Variants in RARB observed in about 807,000 individuals in gnomAD.
RARB encodes the protein HBV-activated protein.
A neutral mutation model predicts 51.9 loss-of-function variants in RARB; 17 were observed. The ratio of observed to expected loss-of-function variants is 0.33; its 90% CI spans 0.22 to 0.49. The LOEUF (loss-of-function observed/expected upper bound fraction) is 0.49. Among genes scored for constraint, RARB ranks in the 20% least tolerant of loss-of-function variants. The pLI is 0.99. For missense variants in RARB, 369 were observed against 550.8 expected (o/e 0.67, Z 3.30); for synonymous variants, 215 against 195.4 (o/e 1.10, Z -0.84).
chr3:25,149,772 G>A (rs111833996), intron 4 of RARB, among the ~76,000 whole-genome samples: 7 of 152,244 alleles, frequency 4.6e-5, no homozygotes, highest in African/African-American at 1.4e-4. Flanking sequence ...AAATGAAGAA[G>A]GTCTCCATTT....
At chr3:25,355,290 C>T (rs756689724) in intron 5 of RARB, among the ~76,000 whole-genome samples, 5 of 151,906 alleles carry the variant, frequency 3.3e-5, no homozygotes, top group Non-Finnish European at 5.9e-5. Flanking sequence ...TAGGTTTGGG[C>T]GTGTTTTTTG....
At chr3:24,961,969 G>T (rs963447548) in intron 2 of RARB, among the ~76,000 whole-genome samples, 2 of 107,294 alleles carry the variant, frequency 1.9e-5, no homozygotes, top group South Asian at 3.3e-4. Flanking sequence ...TTGCTCTGTC[G>T]CCCAGGCTAG....
intron 5 of RARB, among the ~76,000 whole-genome samples, chr3:25,423,241 A>G (rs1287516634): frequency 1.3e-5 from 2 of 152,254 alleles, no homozygotes. Flanking sequence ...TATCCAGCAG[A>G]CGTATTGGTG....
At chr3:25,205,544 T>C (rs936518244) in intron 5 of RARB, among the ~76,000 whole-genome samples, 8 of 152,104 alleles carry the variant, frequency 5.3e-5, no homozygotes, top group African/African-American at 1.9e-4. Context: ...ACTGGAGCTG[T>C]TCGTATTCGG....
chr3:25,378,143 T>A (rs1706519437), intron 5 of RARB, among the ~76,000 whole-genome samples: 1 of 152,118 alleles, frequency 6.6e-6, no homozygotes, highest in Non-Finnish European at 1.5e-5. Context: ...TGAACCTTAT[T>A]TGAAGTTGCA....
chr3:24,927,881 T>C (rs1695354571), intron 2 of RARB, among the ~76,000 whole-genome samples: 1 of 152,086 alleles, frequency 6.6e-6, no homozygotes, highest in Admixed American at 6.6e-5. Flanking sequence ...TAAGAAAATT[T>C]ACTGTGCTCC....
At chr3:25,440,439 C>G (rs1239391048) in intron 1 of RARB, among the ~76,000 whole-genome samples, 1 of 149,546 alleles carries the variant, frequency 6.7e-6, no homozygotes, top group Non-Finnish European at 1.5e-5. Flanking sequence ...AGAGGGAGAT[C>G]CTGTCTAAAA....
rs894009608 is a variant in RARB, at chr3:25,479,146, GTCTGTCTT to G, written c.306+17806_306+17813del. Among the ~76,000 whole-genome samples, 74 of 151,810 alleles carry G rather than the reference GTCTGTCTT, an allele frequency of 4.9e-4. No individual in the cohort carries two copies. In the East Asian group the frequency reaches 0.012, roughly 25 times the overall value. ...GCTGTTTTAAAAATGTTGTCTGTCT[GTCTGTCTT>G]CTTTTTTTTTTGCCTTTGAACTTGG... On this transcript the variant is annotated intron_variant, in intron 2 of 7. Coordinates refer to ENST00000330688, the MANE Select transcript of RARB (RefSeq NM_000965.5).
intron 2 of RARB, among the ~76,000 whole-genome samples, chr3:25,493,773 A>G (rs373817175): frequency 1.3e-5 from 2 of 152,312 alleles, no homozygotes; most frequent in African/African-American, 4.8e-5. Context: ...TTACAACTAA[A>G]TATAGTGCCA....
chr3:25,511,972 G>A lies in RARB; in HGVS notation c.448+10649G>A, dbSNP rs567678775. ...GCTTAAAGCCTGGACTTAAGGGGGA[G>A]TCAGATTCATACCCCAGCCCACCAC... On this transcript the variant is annotated intron_variant, in intron 3 of 7. Coordinates refer to ENST00000330688, the MANE Select transcript of RARB (RefSeq NM_000965.5). Among the ~76,000 whole-genome samples the A allele has an allele frequency of 2.6e-5, 4 of 152,306 alleles. 1 individual carries two copies. The South Asian group carries it at 8.3e-4, about 32-fold the overall frequency.
At chr3:25,568,463 C>T (rs1472136580) in intron 3 of RARB, among the ~76,000 whole-genome samples, 1 of 152,136 alleles carries the variant, frequency 6.6e-6, no homozygotes, top group Non-Finnish European at 1.5e-5. Flanking sequence ...AGGAGTGGCT[C>T]GTACAGACAC....
intron 3 of RARB, among the ~76,000 whole-genome samples, chr3:25,512,680 C>T (rs558280442): frequency 2.3e-4 from 35 of 152,340 alleles, no homozygotes; most frequent in African/African-American, 7.9e-4. Context: ...AATGAGCAGG[C>T]ATGCGCACAT....
At chr3:25,415,769 C>G (rs189498967) in intron 5 of RARB, among the ~76,000 whole-genome samples, 286 of 152,326 alleles carry the variant, frequency 1.9e-3, no homozygotes, top group African/African-American at 6.4e-3. Context: ...CATGGCTCTG[C>G]TAGTCAGTGT....
chr3:24,889,168 T>C (rs1392680143), intron 2 of RARB, among the ~76,000 whole-genome samples: 1 of 152,198 alleles, frequency 6.6e-6, no homozygotes, highest in Non-Finnish European at 1.5e-5. Context: ...TGCCATCTCT[T>C]TTCCTTTGTT....
intron 1 of RARB, among the ~76,000 whole-genome samples, chr3:25,430,821 G>T (rs1164119156): frequency 6.6e-6 from 1 of 152,062 alleles, no homozygotes; most frequent in Non-Finnish European, 1.5e-5. Flanking sequence ...TTCTTATTGT[G>T]GTCAGTTTCA....
intron 5 of RARB, among the ~76,000 whole-genome samples, chr3:25,206,350 C>T (rs190374220): frequency 6.6e-6 from 1 of 152,162 alleles, no homozygotes; most frequent in South Asian, 2.1e-4. Flanking sequence ...CGAATGTTTA[C>T]TTGTTTTTAC....
At chr3:25,253,584 TAGAA>T (rs1408821158) in intron 5 of RARB, among the ~76,000 whole-genome samples, 5 of 151,884 alleles carry the variant, frequency 3.3e-5, no homozygotes, top group African/African-American at 9.7e-5. Context: ...TCAAAGGTAA[TAGAA>T]AGGAAGAGTA....
chr3:25,423,963 C>T (rs549033721), upstream of RARB, among the ~76,000 whole-genome samples: 8 of 152,282 alleles, frequency 5.3e-5, no homozygotes, highest in South Asian at 1.7e-3. Context: ...CTTTATGAGT[C>T]ATCGACGGCA....
At chr3:25,168,059 C>G (rs1009077756) in intron 4 of RARB, among the ~76,000 whole-genome samples, 7 of 152,112 alleles carry the variant, frequency 4.6e-5, no homozygotes, top group Non-Finnish European at 7.4e-5. Flanking sequence ...AATAAACTTC[C>G]TCTTTATAAT....
Sources: allele counts gnomAD v4.1 joint callset (sites outside exome capture counted in the v4.1 genomes callset), GRCh38; gene constraint gnomAD v4.1.1; transcripts MANE v1.5; gene names NCBI Gene and HGNC (gene_info 2026-07-23, HGNC 2026-07-21).